SLC39A14: variants seen among roughly 807,000 people sequenced by gnomAD.
The protein encoded by SLC39A14 is metal cation symporter ZIP14.
Under a neutral mutation model 45.5 loss-of-function variants are expected in SLC39A14, and 19 were observed. That is an observed-to-expected ratio of 0.42 (90% CI 0.29 to 0.61). SLC39A14 has a LOEUF of 0.61. Among genes scored for constraint, SLC39A14 ranks in the 20% least tolerant of loss-of-function variants. The pLI is 0.22. For missense variants in SLC39A14, 447 were observed against 616.5 expected (o/e 0.73, Z 2.91); for synonymous variants, 264 against 251.3 (o/e 1.05, Z -0.48).
At chr8:22,371,029 C>T (rs920525676) in intron 1 of SLC39A14, among the ~76,000 whole-genome samples, 1 of 152,198 alleles carries the variant, frequency 6.6e-6, no homozygotes, top group Admixed American at 6.5e-5. Context: ...CCCCTCCCCC[C>T]ACTACCGTGG....
intron 8 of SLC39A14, among the ~76,000 whole-genome samples, chr8:22,427,960 G>A (rs762747788): frequency 6.6e-6 from 1 of 152,136 alleles, no homozygotes; most frequent in Non-Finnish European, 1.5e-5. Context: ...CTTGAGGCCA[G>A]TATTTGAGAC....
intron 1 of SLC39A14, among the ~76,000 whole-genome samples, chr8:22,387,748 A>G (rs1451041407): frequency 6.6e-6 from 1 of 152,206 alleles, no homozygotes; most frequent in Non-Finnish European, 1.5e-5. Flanking sequence ...GCCTCTCTTC[A>G]GAGCCCTGGG....
At chr8:22,402,101 G>T (rs1359394397) in intron 1 of SLC39A14, among the ~76,000 whole-genome samples, 1 of 152,106 alleles carries the variant, frequency 6.6e-6, no homozygotes, top group Non-Finnish European at 1.5e-5. Context: ...CCCATTATAG[G>T]CTGGGCGCAG....
At chr8:22,381,817 TAAA>T (rs536351297) in intron 1 of SLC39A14, among the ~76,000 whole-genome samples, 1 of 151,586 alleles carries the variant, frequency 6.6e-6, no homozygotes, top group Non-Finnish European at 1.5e-5. Context: ...AATAAACCAA[TAAA>T]AAAAACAAAT....
Position 22,432,642 on chromosome 8 carries a change from C to A in SLC39A14, c.1333-1249C>A, listed in dbSNP as rs536351547. Among the ~76,000 whole-genome samples the A allele has an allele frequency of 2.4e-5, 3 of 124,266 alleles. No individual in the cohort carries two copies. In the East Asian group the frequency reaches 6.8e-4, roughly 28 times the overall value. The allele number at this position is 124,266 out of a possible 152,430, so 81.5% of individuals were successfully genotyped here. ...CACAGGTGTTCACCACCGTGCCCGG[C>A]TAATTTTTTTTTTTTTTTTTTTGAG... On this transcript the variant is annotated intron_variant, in intron 8 of 8. Coordinates refer to the SLC39A14 transcript ENST00000240095.
At position 22,372,181 on chromosome 8, in the gene SLC39A14, A is replaced by G. The variant is rs184025199; in HGVS notation, c.-16+4773A>G. Among the ~76,000 whole-genome samples the G allele has an allele frequency of 2.3e-3, 356 of 152,280 alleles. 1 individual carries two copies. Among genetic ancestry groups the G allele is most frequent in the Non-Finnish European group, 4.2e-3 (289 of 68,018 alleles). ...GTTTGTATATAAAAATCATACTTAA[A>G]TGTATTACCTGTAATTTCTCATTTC... On this transcript the variant is annotated intron_variant, in intron 1 of 8. Transcript: ENST00000381237.
At chr8:22,369,958 G>A (rs1207710764) in intron 1 of SLC39A14, among the ~76,000 whole-genome samples, 2 of 152,148 alleles carry the variant, frequency 1.3e-5, no homozygotes, top group Admixed American at 1.3e-4. Context: ...TTCTGGGAAG[G>A]CCGCTTTTCT....
At chr8:22,395,977 G>A (rs1834359683) in intron 1 of SLC39A14, among the ~76,000 whole-genome samples, 1 of 152,192 alleles carries the variant, frequency 6.6e-6, no homozygotes, top group Admixed American at 6.5e-5. Flanking sequence ...TGCTAGCTGT[G>A]TGGTGAGGTG....
rs1308016570 is a variant in SLC39A14, at chr8:22,433,922, TGC to T, written c.1365_1366del (p.Gln456MetfsTer25). On this transcript the variant is annotated frameshift_variant, in exon 9 of 9. Transcript: ENST00000240095. LOFTEE classifies it high-confidence loss of function. ...TTTTGCTCTGTTGCCCAGGCTGGAG[TGC>T]AATGGTGCCATCTCAGCTCACTGCA... 1 of 426,098 alleles carries T rather than the reference TGC, an allele frequency of 2.3e-6. No homozygotes were observed. The highest frequency in any genetic ancestry group is 4.7e-6 in the Non-Finnish European group (1 of 213,060). 26.4% of individuals were successfully genotyped at this position (426,098 alleles called of 1,614,324 possible).
At position 22,422,565 on chromosome 8, in the gene SLC39A14, A is replaced by G; in HGVS notation, c.*2867A>G. ...TACAGTTCTGCAGTTCCATCACAGT[A>G]TTTTTTTAAATAACTCAGGTGTATG... On this transcript the variant is annotated 3_prime_UTR_variant, in exon 9 of 9. Coordinates refer to ENST00000381237, the MANE Select transcript of SLC39A14 (RefSeq NM_001128431.4). 1.0e-6 allele frequency: 1 copy of G among 985,120 alleles called. No homozygotes were observed. The highest frequency in any genetic ancestry group is 1.2e-6 in the Non-Finnish European group (1 of 829,322). 61.0% of individuals were successfully genotyped at this position (985,120 alleles called of 1,614,324 possible).
chr8:22,389,696 TCA>T (rs1435503922), intron 1 of SLC39A14, among the ~76,000 whole-genome samples: 7 of 152,126 alleles, frequency 4.6e-5, no homozygotes, highest in African/African-American at 1.7e-4. Context: ...AGGGGGGCTA[TCA>T]GTCATTTTGA....
intron 1 of SLC39A14, among the ~76,000 whole-genome samples, chr8:22,370,936 G>A (rs375328429): frequency 2.6e-5 from 4 of 152,142 alleles, no homozygotes; most frequent in South Asian, 4.2e-4. Context: ...ATCGACTGTC[G>A]CCAGCCAGGG....
chr8:22,425,608 C>A (rs2132397577), downstream of SLC39A14, among the ~76,000 whole-genome samples: 1 of 151,912 alleles, frequency 6.6e-6, no homozygotes, highest in South Asian at 2.1e-4. Flanking sequence ...CAGCCTTCAG[C>A]TAAGTATGCT....
At chr8:22,385,337 C>A (rs952285754) in intron 1 of SLC39A14, among the ~76,000 whole-genome samples, 1 of 152,214 alleles carries the variant, frequency 6.6e-6, no homozygotes, top group African/African-American at 2.4e-5. Flanking sequence ...ACACCAGGTA[C>A]TACCCGGCCC....
chr8:22,373,116 A>T (rs1451580102), intron 1 of SLC39A14, among the ~76,000 whole-genome samples: 1 of 152,090 alleles, frequency 6.6e-6, no homozygotes, highest in African/African-American at 2.4e-5. Flanking sequence ...ACAAAAAATT[A>T]GCTGGGTGTG....
chr8:22,408,634 G>A (rs1003066200), intron 3 of SLC39A14, 138 bp downstream of exon 3: 8 of 776,478 alleles, frequency 1.0e-5, no homozygotes, highest in South Asian at 4.0e-5. Context: ...TGTCAGGAGC[G>A]GGAGCGATGA....
At position 22,401,543 on chromosome 8, in the gene SLC39A14, C is replaced by CTTTTTTTTTTTTT. The variant is rs71544899; in HGVS notation, c.-15-3143_-15-3131dup. ...CTGTCTTTCTCTTTCTCTTCTCTTT[C>CTTTTTTTTTTTTT]TTTTTTTTTTTTTTTTTTTTTTGAG... is the stretch of plus-strand genomic sequence containing the variant. On this transcript the variant is annotated intron_variant, in intron 1 of 8. Transcript: ENST00000381237. Among the ~76,000 whole-genome samples, 28 of 84,076 alleles carry CTTTTTTTTTTTTT rather than the reference C, an allele frequency of 3.3e-4. 2 individuals are homozygous for CTTTTTTTTTTTTT. The highest frequency in any genetic ancestry group is 8.2e-4 in the East Asian group (2 of 2,444). The allele number at this position is 84,076 out of a possible 152,430, so 55.2% of individuals were successfully genotyped here.
chr8:22,423,556 C>T (rs970677327), downstream of SLC39A14, among the ~76,000 whole-genome samples: 1 of 152,016 alleles, frequency 6.6e-6, no homozygotes. Context: ...AGGATGGTCT[C>T]GATCTCCTGA....
chr8:22,408,377 A>T lies in SLC39A14; in HGVS notation c.338A>T (p.Glu113Val). The T allele has an allele frequency of 6.2e-7, 1 of 1,614,154 alleles. No individual in the cohort carries two copies. ...GAGCAGTCGCGGATTGGGAGCAGCG[A>T]GCTCCAGGAGTTCTGCCCCACCATC... ...FSEQSRIGSS[E>V]LQEFCPTILQ... The change falls in exon 3 of 9, where the codon GAG (glutamate) becomes GTG (valine). Residue 113 changes from glutamate (E) to valine (V), a missense_variant. Around this residue, in one of 2 missense-constraint regions of SLC39A14, gnomAD observed 342 missense variants for 428.1 expected, o/e 0.80. Transcript: ENST00000381237.
Sources: gnomAD v4.1 joint callset for allele counts (sites outside exome capture counted in the v4.1 genomes callset) on GRCh38, gnomAD v4.1.1 for gene constraint, gnomAD v4.1.1 regional missense constraint, MANE v1.5 for transcripts, NCBI Gene and HGNC (gene_info 2026-07-23, HGNC 2026-07-21) for gene names.